Variants in KIF27 observed in about 807,000 individuals in gnomAD.
KIF27 encodes the protein kinesin-like protein KIF27.
KIF27 carries 84 observed loss-of-function variants against 141.8 expected under a neutral mutation model. The observed-to-expected ratio is 0.59, with a 90% CI of 0.50 to 0.71. The LOEUF is 0.71. Ranked by LOEUF, KIF27 falls within the 30% of genes least tolerant of loss-of-function variation. The pLI is 0.00. For missense variants in KIF27, 1,306 were observed against 1,628.4 expected, an observed-to-expected ratio of 0.80 and a Z score of 3.41; for synonymous variants, 471 against 569.5, an observed-to-expected ratio of 0.83 and a Z score of 2.46.
chr9:83,875,459 T>G (rs562168867), intron 11 of KIF27, among the ~76,000 whole-genome samples: 1 of 151,944 alleles, frequency 6.6e-6, no homozygotes, highest in Non-Finnish European at 1.5e-5. Flanking sequence ...AGGGAAGAGG[T>G]TGGAGCTCAA....
chr9:83,886,449 T>C (rs1952112430), intron 9 of KIF27, among the ~76,000 whole-genome samples: 1 of 152,150 alleles, frequency 6.6e-6, no homozygotes, highest in Non-Finnish European at 1.5e-5. Flanking sequence ...TGCTTACTTT[T>C]CAATGCCCTC....
At chr9:83,914,924 G>A (rs551405688) in intron 2 of KIF27, among the ~76,000 whole-genome samples, 6 of 152,168 alleles carry the variant, frequency 3.9e-5, no homozygotes, top group East Asian at 1.9e-4. Context: ...TTTTTCCTAC[G>A]GTCCCTAAGT....
intron 11 of KIF27, among the ~76,000 whole-genome samples, chr9:83,873,652 A>G (rs1318798162): frequency 1.3e-5 from 2 of 152,162 alleles, no homozygotes; most frequent in Admixed American, 1.3e-4. Flanking sequence ...TCATAGCTAT[A>G]ATTTAGCCCC....
intron 17 of KIF27, among the ~76,000 whole-genome samples, chr9:83,841,437 T>A (rs1015554230): frequency 2.0e-5 from 3 of 152,232 alleles, no homozygotes; most frequent in African/African-American, 7.2e-5. Context: ...TTTTCACTGG[T>A]CTTCTTACAT....
At chr9:83,848,210 T>TATATCTGATATATCTGATATATC (rs1564285952) in intron 16 of KIF27, among the ~76,000 whole-genome samples, 1 of 50,854 alleles carries the variant, frequency 2.0e-5, no homozygotes, top group African/African-American at 9.4e-5. Flanking sequence ...TCAGATATGA[T>TATATCTGATATATCTGATATATC]ATATATGATA....
At chr9:83,838,711 TAA>T (rs1257368049) in intron 17 of KIF27, 1 of 152,222 alleles carries the variant, frequency 6.6e-6, no homozygotes, top group African/African-American at 2.4e-5. Context: ...AGAAAAACTA[TAA>T]GAGTTAACAG....
chr9:83,869,140 G>A (rs1368230399), intron 12 of KIF27, among the ~76,000 whole-genome samples: 1 of 152,174 alleles, frequency 6.6e-6, no homozygotes, highest in East Asian at 1.9e-4. Flanking sequence ...TGGGTGGAAT[G>A]GGTGTGTATG....
At chr9:83,882,537 C>T (rs1376998358) in intron 10 of KIF27, among the ~76,000 whole-genome samples, 4 of 152,008 alleles carry the variant, frequency 2.6e-5, no homozygotes, top group African/African-American at 9.7e-5. Flanking sequence ...ATGTATAGGC[C>T]CTCAAATGGT....
At chr9:83,873,706 T>C (rs1950978270) in intron 11 of KIF27, among the ~76,000 whole-genome samples, 1 of 152,160 alleles carries the variant, frequency 6.6e-6, no homozygotes, top group South Asian at 2.1e-4. Flanking sequence ...TAAAGCTACC[T>C]TAAATAAAGA....
intron 16 of KIF27, among the ~76,000 whole-genome samples, chr9:83,842,647 T>G (rs1050646773): frequency 3.9e-5 from 6 of 152,078 alleles, no homozygotes; most frequent in Non-Finnish European, 5.9e-5. Flanking sequence ...TTTGTATTTT[T>G]AGTAGAGATG....
chr9:83,881,666 G>C (rs1440447589), intron 10 of KIF27, among the ~76,000 whole-genome samples: 1 of 152,174 alleles, frequency 6.6e-6, no homozygotes, highest in African/African-American at 2.4e-5. Flanking sequence ...GACTACTTTG[G>C]GTACCACTGG....
chr9:83,915,664 G>T lies in KIF27; in HGVS notation c.-73C>A, dbSNP rs1357945212. On this transcript the variant is annotated 5_prime_UTR_variant, in exon 2 of 18. Transcript: ENST00000297814. ...CTAGTGTGAGAGACTTCCATCTTAT[G>T]TAAGATCTGGATTCCTGTGCAACAA... 2.2e-6 allele frequency: 3 copies of T among 1,347,396 alleles called. No individual in the cohort carries two copies. The highest frequency in any genetic ancestry group is 3.0e-5 in the South Asian group (2 of 67,714). 83.5% of individuals were successfully genotyped at this position (1,347,396 alleles called of 1,614,324 possible). A position where few individuals can be genotyped will look rare whatever the true frequency, so the allele number is the denominator to read the frequency against.
intron 13 of KIF27, among the ~76,000 whole-genome samples, chr9:83,863,262 A>G (rs1005161077): frequency 5.3e-5 from 8 of 152,146 alleles, no homozygotes; most frequent in Admixed American, 1.3e-4. Context: ...CCAGTTTTCA[A>G]AGGGAATGCT....
chr9:83,904,388 T>G (rs1418526896), intron 3 of KIF27, among the ~76,000 whole-genome samples: 1 of 152,206 alleles, frequency 6.6e-6, no homozygotes, highest in Non-Finnish European at 1.5e-5. Context: ...TTTTTTTTCT[T>G]GAGACGGAGT....
At chr9:83,866,228 AATTTT>A (rs922566053) in intron 13 of KIF27, among the ~76,000 whole-genome samples, 1 of 151,106 alleles carries the variant, frequency 6.6e-6, no homozygotes, top group African/African-American at 2.4e-5. Flanking sequence ...GTTCTATGTG[AATTTT>A]ATCTCTCTAA....
At chr9:83,842,199 A>G (rs374623324) in intron 17 of KIF27, 38 bp downstream of exon 17, 6 of 1,476,866 alleles carry the variant, frequency 4.1e-6, no homozygotes, top group African/African-American at 1.5e-5. Context: ...CAAATGCTAG[A>G]GAAACAGTGT....
chr9:83,911,607 G>A (rs1458753947), intron 2 of KIF27, among the ~76,000 whole-genome samples: 2 of 150,896 alleles, frequency 1.3e-5, no homozygotes, highest in African/African-American at 4.9e-5. Flanking sequence ...GCAGTGGCAC[G>A]ATCTCAGCTC....
intron 13 of KIF27, among the ~76,000 whole-genome samples, chr9:83,860,656 T>C (rs1424661560): frequency 6.6e-6 from 1 of 152,222 alleles, no homozygotes; most frequent in Admixed American, 6.5e-5. Context: ...ATCAAACTTA[T>C]CAGGAAATCT....
chr9:83,848,307 A>G (rs1429094555), intron 16 of KIF27, among the ~76,000 whole-genome samples: 1 of 113,190 alleles, frequency 8.8e-6, no homozygotes, highest in Non-Finnish European at 1.7e-5. Flanking sequence ...TATGATATAT[A>G]TGATATATCA....
Sources: gnomAD v4.1 joint callset for allele counts (sites outside exome capture counted in the v4.1 genomes callset) on GRCh38, gnomAD v4.1.1 for gene constraint, MANE v1.5 for transcripts, NCBI Gene and HGNC (gene_info 2026-07-23, HGNC 2026-07-21) for gene names.